CNTNAP5: variants seen among roughly 807,000 people sequenced by gnomAD.
CNTNAP5 encodes the protein contactin associated protein family member 5.
In CNTNAP5, 72 loss-of-function variants were observed where a neutral mutation model predicts 150.2. The observed-to-expected ratio is 0.48, with a 90% CI of 0.40 to 0.58. The LOEUF (loss-of-function observed/expected upper bound fraction) is 0.58, where lower values mean the gene tolerates loss of function less well. Among genes scored for constraint, CNTNAP5 ranks in the 20% least tolerant of loss-of-function variants. The pLI, the probability that CNTNAP5 is intolerant of heterozygous loss-of-function variation, is 0.00. For synonymous variants in CNTNAP5, 672 were observed against 619.8 expected (o/e 1.08, Z -1.25); for missense variants, 1,636 against 1,626.2 (o/e 1.01, Z -0.10).
intron 7 of CNTNAP5, among the ~76,000 whole-genome samples, chr2:124,491,294 T>G (rs1694019039): frequency 6.6e-6 from 1 of 152,124 alleles, no homozygotes; most frequent in Non-Finnish European, 1.5e-5. Flanking sequence ...ATACCACATA[T>G]TTGCCTTTCT....
At chr2:124,572,906 C>G (rs1336621968) in intron 11 of CNTNAP5, among the ~76,000 whole-genome samples, 2 of 152,218 alleles carry the variant, frequency 1.3e-5, no homozygotes, top group Non-Finnish European at 2.9e-5. Context: ...TTAGCATTCT[C>G]TCACATAGCA....
intron 6 of CNTNAP5, among the ~76,000 whole-genome samples, chr2:124,457,311 A>C (rs1024638380): frequency 3.3e-5 from 5 of 152,256 alleles, no homozygotes; most frequent in African/African-American, 1.2e-4. Context: ...GGACTTAATT[A>C]AACTGAAGAG....
Position 124,915,983 on chromosome 2 carries a change from CAGTT to C in CNTNAP5, c.*1698_*1701del, listed in dbSNP as rs1472041806. 3.3e-5 allele frequency among the ~76,000 whole-genome samples: 5 copies of C among 152,078 alleles called. No homozygotes were observed. Among genetic ancestry groups the C allele is most frequent in the African/African-American group, 1.2e-4 (5 of 41,454 alleles). On this transcript the variant is annotated 3_prime_UTR_variant, in exon 24 of 24. Transcript: ENST00000682447. Reference sequence around the variant, plus strand: ...CCACAGCTCTATTTGCCATCCTTGACAGTTAGCAGACATTCCAACTTGTGCTTAG... The same window carrying C: ...CCACAGCTCTATTTGCCATCCTTGACAGCAGACATTCCAACTTGTGCTTAG...
chr2:124,408,359 G>A (rs1335481578), intron 3 of CNTNAP5, among the ~76,000 whole-genome samples: 6 of 152,340 alleles, frequency 3.9e-5, no homozygotes, highest in African/African-American at 1.4e-4. Flanking sequence ...CAGCCGGGAA[G>A]CTCGGACTGG....
At chr2:124,653,425 G>T (rs1409009212) in intron 13 of CNTNAP5, among the ~76,000 whole-genome samples, 1 of 150,352 alleles carries the variant, frequency 6.7e-6, no homozygotes, top group Non-Finnish European at 1.5e-5. Context: ...ATAGTATATA[G>T]TATGGATAAA....
At chr2:124,844,098 G>T (rs1165176972) in intron 19 of CNTNAP5, among the ~76,000 whole-genome samples, 1 of 152,052 alleles carries the variant, frequency 6.6e-6, no homozygotes, top group East Asian at 1.9e-4. Context: ...CTAATGTCTA[G>T]AAGAGTTTTT....
At chr2:124,173,244 A>G (rs1478582468) in intron 1 of CNTNAP5, among the ~76,000 whole-genome samples, 1 of 152,176 alleles carries the variant, frequency 6.6e-6, no homozygotes, top group Non-Finnish European at 1.5e-5. Flanking sequence ...ATAAATATTG[A>G]AAATAGAACA....
chr2:124,074,166 T>G (rs1463900535), intron 1 of CNTNAP5, among the ~76,000 whole-genome samples: 1 of 151,602 alleles, frequency 6.6e-6, no homozygotes, highest in African/African-American at 2.4e-5. Flanking sequence ...ATATAGAGAG[T>G]AGAAGGATGA....
intron 1 of CNTNAP5, among the ~76,000 whole-genome samples, chr2:124,097,493 C>T (rs961376476): frequency 6.6e-6 from 1 of 152,188 alleles, no homozygotes; most frequent in Non-Finnish European, 1.5e-5. Flanking sequence ...CTTTTCCTCT[C>T]CCATTCCCCT....
chr2:124,213,931 T>C (rs1686086052), intron 1 of CNTNAP5, among the ~76,000 whole-genome samples: 1 of 152,232 alleles, frequency 6.6e-6, no homozygotes, highest in East Asian at 1.9e-4. Context: ...GAAAGAGCTA[T>C]ATTCCTACAA....
intron 10 of CNTNAP5, among the ~76,000 whole-genome samples, chr2:124,562,991 A>C (rs527920086): frequency 6.6e-6 from 1 of 152,338 alleles, no homozygotes; most frequent in South Asian, 2.1e-4. Flanking sequence ...TACTTACATC[A>C]GCTTTGCGAC....
At chr2:124,324,328 G>A (rs924956218) in intron 3 of CNTNAP5, among the ~76,000 whole-genome samples, 4 of 152,206 alleles carry the variant, frequency 2.6e-5, no homozygotes, top group Non-Finnish European at 4.4e-5. Flanking sequence ...GTGAATATGA[G>A]GTTGTACTGA....
intron 21 of CNTNAP5, among the ~76,000 whole-genome samples, chr2:124,873,642 A>T (rs1460666084): frequency 1.3e-5 from 2 of 152,084 alleles, no homozygotes; most frequent in Admixed American, 1.3e-4. Flanking sequence ...GAACAAGGAA[A>T]CCAAACCCTA....
At chr2:124,177,876 TCGC>T in intron 1 of CNTNAP5, among the ~76,000 whole-genome samples, 1 of 151,670 alleles carries the variant, frequency 6.6e-6, no homozygotes, top group Non-Finnish European at 1.5e-5. Flanking sequence ...AAACAGAGTT[TCGC>T]TCTGTTGCCT....
chr2:124,763,539 C>T, intron 14 of CNTNAP5, 133 bp from the exon 15 acceptor site: 2 of 730,152 alleles, frequency 2.7e-6, no homozygotes, highest in Non-Finnish European at 4.5e-6. Flanking sequence ...GATGAAAGGC[C>T]TTCTGTTTTC....
chr2:124,208,554 G>C (rs1685923841), intron 1 of CNTNAP5, among the ~76,000 whole-genome samples: 2 of 152,176 alleles, frequency 1.3e-5, no homozygotes, highest in South Asian at 4.1e-4. Context: ...TTCCCTTCCA[G>C]TGAGAAAATA....
At chr2:124,148,995 G>A (rs1684336205) in intron 1 of CNTNAP5, among the ~76,000 whole-genome samples, 1 of 152,074 alleles carries the variant, frequency 6.6e-6, no homozygotes, top group Admixed American at 6.6e-5. Context: ...TATATAAGAT[G>A]AGTGAATGAG....
intron 13 of CNTNAP5, among the ~76,000 whole-genome samples, chr2:124,690,769 A>G (rs1679284869): frequency 6.6e-6 from 1 of 152,084 alleles, no homozygotes; most frequent in Non-Finnish European, 1.5e-5. Flanking sequence ...TCATTCTAAT[A>G]TGGTCTCCTC....
intron 12 of CNTNAP5, among the ~76,000 whole-genome samples, chr2:124,628,573 A>AC (rs1677779792): frequency 6.6e-6 from 1 of 152,236 alleles, no homozygotes; most frequent in South Asian, 2.1e-4. Context: ...GAAGCACTAA[A>AC]CATAGATAGG....
Sources: gnomAD v4.1 joint callset for allele counts (sites outside exome capture counted in the v4.1 genomes callset) on GRCh38, gnomAD v4.1.1 for gene constraint, MANE v1.5 for transcripts, NCBI Gene and HGNC (gene_info 2026-07-23, HGNC 2026-07-21) for gene names.